The following GPSM2 variants were observed in gnomAD, a reference collection of about 807,000 sequenced individuals.
GPSM2 encodes G protein-signaling modulator 2.
Under a neutral mutation model 78.4 loss-of-function variants are expected in GPSM2, and 58 were observed. That is an observed-to-expected ratio of 0.74 (90% CI 0.60 to 0.92). The LOEUF is 0.92. GPSM2 is among the 40% of genes least tolerant of loss of function. The pLI is 0.00. For synonymous variants in GPSM2, 224 were observed against 280.2 expected (o/e 0.80, Z 2.00); for missense variants, 700 against 815.5 (o/e 0.86, Z 1.73).
intron 14 of GPSM2, among the ~76,000 whole-genome samples, chr1:108,927,241 T>C: frequency 6.6e-6 from 1 of 152,212 alleles, no homozygotes; most frequent in East Asian, 1.9e-4. Context: ...ACAAATTCAG[T>C]GCAATCCCTG....
intron 7 of GPSM2, 71 bp downstream of exon 7, chr1:108,899,065 T>A: frequency 1.1e-6 from 1 of 923,604 alleles, no homozygotes; most frequent in Non-Finnish European, 1.8e-6. Context: ...GCTTTAGGTT[T>A]AAAATCTGAT....
chr1:108,886,893 T>G (rs1315957050), intron 2 of GPSM2, among the ~76,000 whole-genome samples: 3 of 139,344 alleles, frequency 2.2e-5, no homozygotes, highest in Non-Finnish European at 4.8e-5. Context: ...TGTGTTTTTG[T>G]TTTTTTTTTT....
chr1:108,889,309 C>T (rs765584093), intron 2 of GPSM2, among the ~76,000 whole-genome samples: 7 of 152,104 alleles, frequency 4.6e-5, no homozygotes, highest in African/African-American at 7.2e-5. Flanking sequence ...GTATTTGTCC[C>T]GATTGGCTAG....
chr1:108,922,559 CT>C lies in GPSM2; in HGVS notation c.1584del (p.Met530Ter). ...TCAACAACAACTTCTTCCACTCCCC[CT>C]AAAATGATGCTAAAAAGTAAGTCAT... ...TASTTTSSTP[P>X]KMMLKTSSVP... On this transcript the variant is annotated frameshift_variant, in exon 13 of 15. Coordinates refer to ENST00000264126, the MANE Select transcript of GPSM2 (RefSeq NM_013296.5). LOFTEE classifies it high-confidence loss of function. The C allele has an allele frequency of 6.2e-7, 1 of 1,612,394 alleles. No individual in the cohort carries two copies.
chr1:108,890,224 C>A (rs909897758), intron 2 of GPSM2, among the ~76,000 whole-genome samples: 4 of 152,180 alleles, frequency 2.6e-5, no homozygotes. Flanking sequence ...AGCATTAGCT[C>A]CTCAGCTGTG....
intron 1 of GPSM2, among the ~76,000 whole-genome samples, chr1:108,880,991 A>G (rs1382176518): frequency 6.6e-6 from 1 of 152,192 alleles, no homozygotes; most frequent in African/African-American, 2.4e-5. Context: ...TTCTTTGATA[A>G]AGAGCTAGCC....
rs1648583143 is a variant in GPSM2, at chr1:108,898,944, A to G, written c.747A>G (p.Gly249=). ...AAAGAAGAGCATATAGCAACCTTGG[A>G]AATGCATATATATTTCTTGGTGAAT... The part of the protein sequence containing the change: ...AAERRAYSNL[G]NAYIFLGEFE... Residue 249 remains glycine (G), a synonymous_variant, in exon 7 of 15, where the codon GGA becomes GGG. Coordinates refer to ENST00000264126, the MANE Select transcript of GPSM2 (RefSeq NM_013296.5). The G allele has an allele frequency of 6.2e-7, 1 of 1,612,294 alleles. No individual in the cohort carries two copies. The highest frequency in any genetic ancestry group is 1.3e-5 in the African/African-American group (1 of 74,900).
intron 11 of GPSM2, among the ~76,000 whole-genome samples, chr1:108,917,195 G>A (rs1650294954): frequency 2.0e-5 from 3 of 152,212 alleles, no homozygotes; most frequent in African/African-American, 4.8e-5. Context: ...GAAATCCACT[G>A]TAGTAAATAA....
intron 12 of GPSM2, among the ~76,000 whole-genome samples, chr1:108,919,642 T>C (rs1650550294): frequency 1.3e-5 from 2 of 151,798 alleles, no homozygotes; most frequent in African/African-American, 4.8e-5. Flanking sequence ...GAGGTGGAGG[T>C]TGCAGTGAGC....
chr1:108,923,990 C>T lies in GPSM2; in HGVS notation c.1601-10C>T, dbSNP rs1276477585. 1.3e-6 allele frequency: 2 copies of T among 1,556,746 alleles called. No individual in the cohort carries two copies. Among genetic ancestry groups the T allele is most frequent in the Non-Finnish European group, 1.8e-6 (2 of 1,128,112 alleles). ...TTTTTTAATCTTTGGCTTTCTTCTT[C>T]TGTTCTTAGCATCATCTGTTCCTGT... On this transcript the variant is annotated splice_polypyrimidine_tract_variant and intron_variant, in intron 13 of 14. Coordinates refer to ENST00000264126, the MANE Select transcript of GPSM2 (RefSeq NM_013296.5).
chr1:108,908,143 G>T (rs920239926), intron 10 of GPSM2, among the ~76,000 whole-genome samples: 1 of 151,468 alleles, frequency 6.6e-6, no homozygotes, highest in Non-Finnish European at 1.5e-5. Context: ...AGGCCAAGGC[G>T]AGCGGATCAT....
At chr1:108,923,775 A>T (rs916988753) in intron 13 of GPSM2, among the ~76,000 whole-genome samples, 5 of 152,224 alleles carry the variant, frequency 3.3e-5, no homozygotes, top group Non-Finnish European at 7.3e-5. Context: ...ATAACGTCCA[A>T]GTGGGTCATC....
At chr1:108,879,350 A>G (rs1665781881) in intron 1 of GPSM2, among the ~76,000 whole-genome samples, 1 of 152,196 alleles carries the variant, frequency 6.6e-6, no homozygotes, top group Non-Finnish European at 1.5e-5. Flanking sequence ...TGTGCAAAGC[A>G]ATGTCGTTGG....
Position 108,933,173 on chromosome 1 carries a change from C to T in GPSM2, c.*3233C>T, listed in dbSNP as rs373653336. On this transcript the variant is annotated 3_prime_UTR_variant, in exon 15 of 15. Coordinates refer to ENST00000264126, the MANE Select transcript of GPSM2 (RefSeq NM_013296.5). ...GCCTAAAATTACATTGTTACAGGCA[C>T]GTAAGTAACACTTCCTGGATCCAAA... The T allele has an allele frequency of 4.6e-5, 6 of 130,284 alleles. No individual in the cohort carries two copies. The highest frequency in any genetic ancestry group is 5.5e-4 in the South Asian group (2 of 3,604). The allele number at this position is 130,284 out of a possible 1,614,324, so 8.1% of individuals were successfully genotyped here. A position where few individuals can be genotyped will look rare whatever the true frequency, so the allele number is the denominator to read the frequency against.
intron 8 of GPSM2, 116 bp from the exon 9 acceptor site, chr1:108,903,010 A>C (rs1648932098): frequency 1.4e-6 from 1 of 694,094 alleles, no homozygotes; most frequent in Non-Finnish European, 2.6e-6. Flanking sequence ...ATTTATATGA[A>C]AGACCAAATC....
At chr1:108,913,387 A>C (rs1649921768) in intron 10 of GPSM2, among the ~76,000 whole-genome samples, 1 of 152,226 alleles carries the variant, frequency 6.6e-6, no homozygotes, top group Non-Finnish European at 1.5e-5. Flanking sequence ...GACTGTGTGG[A>C]TAGTATAAAC....
chr1:108,882,124 C>T (rs1185302065), intron 1 of GPSM2, among the ~76,000 whole-genome samples: 1 of 152,070 alleles, frequency 6.6e-6, no homozygotes, highest in Non-Finnish European at 1.5e-5. Context: ...GCTGATTTTT[C>T]AATTTTTTGT....
chr1:108,926,442 C>T (rs891411468), intron 14 of GPSM2: 9 of 152,130 alleles, frequency 5.9e-5, no homozygotes, highest in Non-Finnish European at 1.5e-5. Flanking sequence ...ACAGACACTA[C>T]AAGAAAAGTA....
chr1:108,902,950 T>C (rs1225300076), intron 8 of GPSM2, among the ~76,000 whole-genome samples, 176 bp from the exon 9 acceptor site: 2 of 152,230 alleles, frequency 1.3e-5, no homozygotes, highest in Non-Finnish European at 2.9e-5. Flanking sequence ...GGGTATTCTT[T>C]TTTTTAATCT....
Sources: allele counts gnomAD v4.1 joint callset (sites outside exome capture counted in the v4.1 genomes callset), GRCh38; gene constraint gnomAD v4.1.1; transcripts MANE v1.5; gene names NCBI Gene and HGNC (gene_info 2026-07-23, HGNC 2026-07-21).